Variants in HPSE2 observed in about 807,000 individuals in gnomAD.
HPSE2 encodes the protein heparanase 2 (inactive).
Under a neutral mutation model 60.5 loss-of-function variants are expected in HPSE2, and 38 were observed. That is an observed-to-expected ratio of 0.63 (90% CI 0.48 to 0.82). The LOEUF (loss-of-function observed/expected upper bound fraction) is 0.82, where lower values mean the gene tolerates loss of function less well. HPSE2 is among the 40% of genes least tolerant of loss of function. The pLI is 0.00. For missense variants in HPSE2, 713 were observed against 740.4 expected, an observed-to-expected ratio of 0.96 and a Z score of 0.43; for synonymous variants, 295 against 293.2, an observed-to-expected ratio of 1.01 and a Z score of -0.06.
chr10:98,675,164 C>G (rs560769060), intron 6 of HPSE2, among the ~76,000 whole-genome samples: 1 of 152,236 alleles, frequency 6.6e-6, no homozygotes, highest in African/African-American at 2.4e-5. Flanking sequence ...CACCTTGAAG[C>G]CTTCTATCTA....
chr10:99,131,226 T>C (rs889063072), intron 3 of HPSE2, among the ~76,000 whole-genome samples: 5 of 152,154 alleles, frequency 3.3e-5, no homozygotes, highest in African/African-American at 1.2e-4. Flanking sequence ...AAACTCACAG[T>C]GAACATCATA....
chr10:98,600,959 T>A (rs77606352), intron 9 of HPSE2, among the ~76,000 whole-genome samples: 362 of 128,354 alleles, frequency 2.8e-3, no homozygotes, highest in East Asian at 5.0e-3. Flanking sequence ...AGAAAGAGAG[T>A]GAGAGAGAGA....
chr10:99,266,149 G>A, the HPSE2 span, among the ~76,000 whole-genome samples: 1 of 152,178 alleles, frequency 6.6e-6, no homozygotes, highest in Admixed American at 6.5e-5. Context: ...GGGAGGGAGT[G>A]AATCGCCAGC....
At chr10:98,780,729 T>C (rs750984423) in intron 3 of HPSE2, among the ~76,000 whole-genome samples, 8 of 152,110 alleles carry the variant, frequency 5.3e-5, no homozygotes, top group Non-Finnish European at 1.0e-4. Flanking sequence ...TTGTGAGTAA[T>C]AATATAATTG....
intron 11 of HPSE2, among the ~76,000 whole-genome samples, chr10:98,480,009 T>C (rs146248449): frequency 1.4e-3 from 211 of 152,314 alleles, no homozygotes; most frequent in African/African-American, 4.8e-3. Flanking sequence ...CCTGACATTA[T>C]TATTTGAGCT....
At chr10:99,108,758 C>T (rs2135671937) in intron 3 of HPSE2, among the ~76,000 whole-genome samples, 1 of 152,254 alleles carries the variant, frequency 6.6e-6, no homozygotes, top group Admixed American at 6.5e-5. Flanking sequence ...TAAGTGACAC[C>T]TTTACTACAG....
At chr10:99,230,408 A>T (rs1160861393) in intron 2 of HPSE2, among the ~76,000 whole-genome samples, 2 of 152,214 alleles carry the variant, frequency 1.3e-5, no homozygotes, top group Non-Finnish European at 2.9e-5. Context: ...GAAAAACTAC[A>T]TTCCTAGAGA....
the HPSE2 span, among the ~76,000 whole-genome samples, chr10:99,271,865 A>T: frequency 6.6e-6 from 1 of 152,232 alleles, no homozygotes; most frequent in East Asian, 1.9e-4. Context: ...CCTTCAACAA[A>T]GCAAACAAAA....
At chr10:98,907,072 T>C (rs1953843517) in intron 3 of HPSE2, among the ~76,000 whole-genome samples, 1 of 152,206 alleles carries the variant, frequency 6.6e-6, no homozygotes, top group African/African-American at 2.4e-5. Flanking sequence ...AGTCCAATTA[T>C]TATGCCCATT....
chr10:99,217,487 G>C lies in HPSE2; in HGVS notation c.448+14861C>G, dbSNP rs150517379. ...ACTCACTCAGAGATTCTTATGCTGT[G>C]TGCATTTTAGAACCACCTGGGGAGA... On this transcript the variant is annotated intron_variant, in intron 2 of 11. Transcript: ENST00000370552. 2.1e-3 allele frequency among the ~76,000 whole-genome samples: 326 copies of C among 152,164 alleles called. 1 individual carries two copies. The highest frequency in any genetic ancestry group is 7.4e-3 in the African/African-American group (307 of 41,540).
intron 11 of HPSE2, among the ~76,000 whole-genome samples, chr10:98,468,058 C>T (rs1267350117): frequency 6.6e-6 from 1 of 152,238 alleles, no homozygotes; most frequent in Non-Finnish European, 1.5e-5. Context: ...TGCAGGCTCC[C>T]GGCCCCCTCG....
chr10:98,484,671 AC>A (rs1295482211), intron 10 of HPSE2, among the ~76,000 whole-genome samples: 1 of 152,192 alleles, frequency 6.6e-6, no homozygotes, highest in Non-Finnish European at 1.5e-5. Flanking sequence ...AAGTTAAAAA[AC>A]TTTTATGTAG....
intron 3 of HPSE2, among the ~76,000 whole-genome samples, chr10:98,751,719 C>T (rs989589275): frequency 5.3e-5 from 8 of 152,310 alleles, no homozygotes; most frequent in South Asian, 2.1e-4. Context: ...CAGAACTCAA[C>T]GCTTTGATGT....
At chr10:99,061,646 A>T (rs1387859872) in intron 3 of HPSE2, among the ~76,000 whole-genome samples, 1 of 152,114 alleles carries the variant, frequency 6.6e-6, no homozygotes, top group Non-Finnish European at 1.5e-5. Context: ...CCTCTCCCAT[A>T]TTTTCACCTA....
chr10:98,900,865 GAAAC>G (rs1300428976), intron 3 of HPSE2, among the ~76,000 whole-genome samples: 4 of 151,988 alleles, frequency 2.6e-5, no homozygotes, highest in South Asian at 2.1e-4. Flanking sequence ...TTACTGAAGA[GAAAC>G]AAACACATAT....
chr10:98,904,731 T>A (rs965832605), intron 3 of HPSE2, among the ~76,000 whole-genome samples: 1 of 152,024 alleles, frequency 6.6e-6, no homozygotes, highest in African/African-American at 2.4e-5. Context: ...GCCTCTCCAA[T>A]CCTTTAAAAA....
At chr10:99,295,536 T>C in the HPSE2 span, among the ~76,000 whole-genome samples, 2 of 152,244 alleles carry the variant, frequency 1.3e-5, no homozygotes, top group African/African-American at 4.8e-5. Flanking sequence ...GAATTAAAGA[T>C]GTTTTTTTCT....
At chr10:98,632,207 T>G (rs1475278277) in intron 7 of HPSE2, among the ~76,000 whole-genome samples, 2 of 152,188 alleles carry the variant, frequency 1.3e-5, no homozygotes, top group African/African-American at 4.8e-5. Flanking sequence ...TTTAATAGAT[T>G]AATAATATAT....
At chr10:99,033,370 G>A (rs571563160) in intron 3 of HPSE2, among the ~76,000 whole-genome samples, 11 of 152,118 alleles carry the variant, frequency 7.2e-5, no homozygotes, top group African/African-American at 2.4e-4. Flanking sequence ...TAGACACTTT[G>A]CCAAAAAAGA....
Sources: allele counts gnomAD v4.1 joint callset (sites outside exome capture counted in the v4.1 genomes callset), GRCh38; gene constraint gnomAD v4.1.1; transcripts MANE v1.5; gene names NCBI Gene and HGNC (gene_info 2026-07-23, HGNC 2026-07-21).